Variants in CFAP20DC observed in about 807,000 individuals in gnomAD.
CFAP20DC encodes CFAP20 domain containing.
CFAP20DC carries 84 observed loss-of-function variants against 101.7 expected under a neutral mutation model. The ratio of observed to expected loss-of-function variants is 0.83; its 90% CI spans 0.69 to 0.99. The LOEUF is 0.99. Ranked by LOEUF, CFAP20DC falls within the 50% of genes least tolerant of loss-of-function variation. The pLI, the probability that CFAP20DC is intolerant of heterozygous loss-of-function variation, is 0.00. For synonymous variants in CFAP20DC, 359 were observed against 351.2 expected, an observed-to-expected ratio of 1.02 and a Z score of -0.25; for missense variants, 1,007 against 970.3, an observed-to-expected ratio of 1.04 and a Z score of -0.50.
chr3:58,993,405 T>C (rs528587753), intron 4 of CFAP20DC, among the ~76,000 whole-genome samples: 7 of 152,168 alleles, frequency 4.6e-5, no homozygotes, highest in Non-Finnish European at 1.0e-4. Flanking sequence ...TCTAGTTATC[T>C]TCATGGTGAA....
At chr3:58,734,991 A>T (rs930840731) in intron 3 of CFAP20DC, among the ~76,000 whole-genome samples, 7 of 152,208 alleles carry the variant, frequency 4.6e-5, no homozygotes, top group African/African-American at 1.4e-4. Context: ...TGGCATCTTT[A>T]TGTGGGAAAA....
At chr3:58,965,639 AC>A (rs2091469125) in intron 4 of CFAP20DC, among the ~76,000 whole-genome samples, 1 of 152,168 alleles carries the variant, frequency 6.6e-6, no homozygotes, top group Non-Finnish European at 1.5e-5. Flanking sequence ...AAGAATTAAA[AC>A]TTTTTAAAAT....
chr3:58,767,020 G>A (rs570757533), intron 15 of CFAP20DC, among the ~76,000 whole-genome samples: 2 of 152,220 alleles, frequency 1.3e-5, no homozygotes, highest in Admixed American at 6.5e-5. Flanking sequence ...TTACAACCTC[G>A]TTTGTTTGAT....
intron 14 of CFAP20DC, among the ~76,000 whole-genome samples, chr3:58,830,984 T>C (rs897516335): frequency 6.6e-6 from 1 of 152,228 alleles, no homozygotes; most frequent in African/African-American, 2.4e-5. Context: ...TTGTAGAGAA[T>C]GGACTGAGTT....
Position 58,863,380 on chromosome 3 carries a change from A to G in CFAP20DC, c.1593+178T>C. ...TGGCTGACTGTTAATTAAAAAAAAA[A>G]AAAGACAGTTTAAAGTTACCATAAC... is the stretch of plus-strand genomic sequence containing the variant. On this transcript the variant is annotated intron_variant, in intron 12 of 16. Transcript: ENST00000482387. The surrounding 1 kb of genome is among the most constrained non-coding windows in gnomAD (Gnocchi z 5.9). 7.2e-7 allele frequency: 1 copy of G among 1,394,718 alleles called. No individual in the cohort carries two copies. Among genetic ancestry groups the G allele is most frequent in the Non-Finnish European group, 9.3e-7 (1 of 1,079,350 alleles). 86.4% of individuals were successfully genotyped at this position (1,394,718 alleles called of 1,614,324 possible).
chr3:58,965,096 A>T (rs973443178), intron 4 of CFAP20DC, among the ~76,000 whole-genome samples: 1 of 152,170 alleles, frequency 6.6e-6, no homozygotes, highest in Non-Finnish European at 1.5e-5. Context: ...TAAAAGGGTC[A>T]CAGTGGTTCT....
intron 12 of CFAP20DC, among the ~76,000 whole-genome samples, chr3:58,852,771 G>A (rs1231957825): frequency 2.0e-5 from 3 of 151,610 alleles, no homozygotes; most frequent in South Asian, 4.2e-4. Context: ...AAATAAAGAT[G>A]TTCTTTGAAA....
intron 6 of CFAP20DC, among the ~76,000 whole-genome samples, chr3:58,891,305 T>A (rs1434653701): frequency 2.0e-5 from 3 of 146,760 alleles, no homozygotes; most frequent in East Asian, 2.3e-4. Context: ...TGGCAGGCAC[T>A]CTGCAGGCTG....
At chr3:58,848,995 A>G in intron 13 of CFAP20DC, 37 bp downstream of exon 13, 2 of 1,522,068 alleles carry the variant, frequency 1.3e-6, no homozygotes, top group East Asian at 2.5e-5. Flanking sequence ...AGCAGGATGT[A>G]TTGCCGGCAT....
Position 58,870,297 on chromosome 3 carries a change from T to A in CFAP20DC, c.728A>T (p.Asn243Ile). 6.2e-7 allele frequency: 1 copy of A among 1,613,890 alleles called. No individual in the cohort carries two copies. ...LRSAESDQFI[N>I]RGTSITRNSK... ...GTTCCGTGTAATACTTGTTCCTCTG[T>A]TAATGAACTGATCTGTTTTGTTAAA... The change falls in exon 8 of 17, where the codon AAC (asparagine) becomes ATC (isoleucine). Residue 243 changes from asparagine to isoleucine, a missense_variant. Physicochemically the swap from Asn to Ile is moderately radical, Grantham distance 149 (BLOSUM62 -3). Transcript: ENST00000482387.
chr3:58,870,733 A>C (rs535377557), intron 7 of CFAP20DC, among the ~76,000 whole-genome samples: 122 of 149,158 alleles, frequency 8.2e-4, no homozygotes, highest in Non-Finnish European at 1.3e-3. Context: ...CTAAAAATAC[A>C]AAAAATTAGC....
At chr3:58,765,973 T>A (rs116328751) in intron 15 of CFAP20DC, among the ~76,000 whole-genome samples, 1,851 of 152,268 alleles carry the variant, frequency 0.012, 41 homozygotes, top group African/African-American at 0.042. Flanking sequence ...AAATTTTACT[T>A]CCAATTTCAG....
intron 4 of CFAP20DC, among the ~76,000 whole-genome samples, chr3:59,037,352 G>A (rs1450779870): frequency 1.3e-5 from 2 of 151,366 alleles, no homozygotes; most frequent in Non-Finnish European, 2.9e-5. Flanking sequence ...GCAACCTACA[G>A]AATGGGAGAA....
At chr3:59,008,457 T>C (rs2093492725) in intron 4 of CFAP20DC, among the ~76,000 whole-genome samples, 1 of 152,146 alleles carries the variant, frequency 6.6e-6, no homozygotes, top group Admixed American at 6.5e-5. Context: ...CCTTCGCTAT[T>C]GACTTGAAGC....
Position 58,867,868 on chromosome 3 carries a change from TTC to T in CFAP20DC, c.1082_1083del (p.Arg361LysfsTer19). 1 of 1,613,728 alleles carries T rather than the reference TTC, an allele frequency of 6.2e-7. No homozygotes were observed. Among genetic ancestry groups the T allele is most frequent in the Non-Finnish European group, 8.5e-7 (1 of 1,179,694 alleles). ...QEPSADKNNN[R>X]RRLRLKSTSR... is the part of the protein sequence containing the mutation. ...CTGGTACTTTTTAACCGTAATCTTC[TTC>T]TGTTATTATTCTTATCTGCTGATGG... On this transcript the variant is annotated frameshift_variant, in exon 10 of 17. Coordinates refer to ENST00000482387, the MANE Select transcript of CFAP20DC (RefSeq NM_001394063.1). LOFTEE classifies it high-confidence loss of function.
In CFAP20DC at chr3:58,729,321, T is replaced by C; in HGVS notation, c.198-11693A>G. Among the ~76,000 whole-genome samples the C allele has an allele frequency of 1.3e-5, 2 of 152,344 alleles. No individual in the cohort carries two copies. Among genetic ancestry groups the C allele is most frequent in the Admixed American group, 1.3e-4 (2 of 15,304 alleles). ...CTTTTAAAATTAATTAGATTTTTATTAGATTTATTTCTAGGTATTTGATGT... is the reference window on the plus strand; with the variant it reads ...CTTTTAAAATTAATTAGATTTTTATCAGATTTATTTCTAGGTATTTGATGT... On this transcript the variant is annotated intron_variant, in intron 3 of 3. Transcript: ENST00000486145. The surrounding 1 kb of genome is among the most constrained non-coding windows in gnomAD (Gnocchi z 4.4).
chr3:58,972,122 A>T (rs1051581695), intron 4 of CFAP20DC, among the ~76,000 whole-genome samples: 3 of 152,180 alleles, frequency 2.0e-5, no homozygotes, highest in Non-Finnish European at 4.4e-5. Context: ...ATATAAAAAA[A>T]GTTCCTTTAT....
intron 14 of CFAP20DC, among the ~76,000 whole-genome samples, chr3:58,810,773 T>A (rs970176817): frequency 6.6e-6 from 1 of 151,514 alleles, no homozygotes; most frequent in African/African-American, 2.4e-5. Flanking sequence ...TGTCCCTGTT[T>A]GCAGATGACA....
intron 4 of CFAP20DC, among the ~76,000 whole-genome samples, chr3:58,960,419 G>A (rs938743812): frequency 6.7e-6 from 1 of 150,264 alleles, no homozygotes; most frequent in Non-Finnish European, 1.5e-5. Flanking sequence ...TTGAATTCAG[G>A]AGACGGAGGT....
Sources: gnomAD v4.1 joint callset for allele counts (sites outside exome capture counted in the v4.1 genomes callset) on GRCh38, gnomAD v4.1.1 for gene constraint, Gnocchi (gnomAD v3.1) non-coding constraint, MANE v1.5 for transcripts, NCBI Gene and HGNC (gene_info 2026-07-23, HGNC 2026-07-21) for gene names.